Variants in RBM25 observed in about 807,000 individuals in gnomAD.
RBM25 encodes the protein RNA binding motif protein 25, also known as RNA-binding protein 25.
In RBM25, 19 loss-of-function variants were observed where a neutral mutation model predicts 120.7. That is an observed-to-expected ratio of 0.16 (90% CI 0.11 to 0.23). The LOEUF (loss-of-function observed/expected upper bound fraction) is 0.23, where lower values mean the gene tolerates loss of function less well. Ranked by LOEUF, RBM25 falls within the 10% of genes least tolerant of loss-of-function variation. The pLI is 1.00. For missense variants in RBM25, 605 were observed against 1,041.5 expected (o/e 0.58, Z 5.77); for synonymous variants, 390 against 326.7 (o/e 1.19, Z -2.09).
chr14:73,119,637 T>G, intron 18 of RBM25, 76 bp from the exon 19 acceptor site: 2 of 1,582,050 alleles, frequency 1.3e-6, no homozygotes, highest in Non-Finnish European at 1.7e-6. Context: ...AAAAACTTTT[T>G]TATACTGGCC....
At chr14:73,114,427 G>C (rs1025722896) in intron 18 of RBM25, 94 bp downstream of exon 18, 11 of 856,922 alleles carry the variant, frequency 1.3e-5, no homozygotes, top group Non-Finnish European at 1.9e-5. Context: ...TCACCACGTT[G>C]CCCAGGGTAG....
chr14:73,111,279 T>C (rs1896305696), intron 15 of RBM25, 124 bp downstream of exon 15: 2 of 943,300 alleles, frequency 2.1e-6, no homozygotes, highest in Non-Finnish European at 1.5e-6. Flanking sequence ...TACTAAAAAA[T>C]GCCTTTCTAG....
intron 12 of RBM25, among the ~76,000 whole-genome samples, chr14:73,106,583 A>T (rs1474980000): frequency 6.6e-6 from 1 of 152,124 alleles, no homozygotes. Context: ...GCATATTTTT[A>T]AAATTGTTGA....
chr14:73,084,498 A>G (rs1895638006), intron 5 of RBM25, among the ~76,000 whole-genome samples: 1 of 152,082 alleles, frequency 6.6e-6, no homozygotes, highest in African/African-American at 2.4e-5. Context: ...GTTTTCTGTA[A>G]AGTGGTCAGT....
chr14:73,086,435 TAAA>T (rs60061334), intron 5 of RBM25, among the ~76,000 whole-genome samples: 2 of 132,972 alleles, frequency 1.5e-5, no homozygotes, highest in East Asian at 4.3e-4. Flanking sequence ...AGACTCCGTC[TAAA>T]AAAAAAAAAA....
Position 73,088,082 on chromosome 14 carries a change from A to T in RBM25, c.464A>T (p.Lys155Ile). 1 of 1,614,178 alleles carries T rather than the reference A, an allele frequency of 6.2e-7. No homozygotes were observed. The highest frequency in any genetic ancestry group is 8.5e-7 in the Non-Finnish European group (1 of 1,180,040). The change falls in exon 6 of 19, where the codon AAA (lysine) becomes ATA (isoleucine). Residue 155 changes from lysine (K) to isoleucine (I), a missense_variant. This residue lies in a region of RBM25 where 27 missense variants were observed against 109.4 expected (regional missense o/e 0.25). Transcript: ENST00000261973. ...RLLHDLQIGE[K>I]KLLVKVDAKT... Reference sequence around the variant, plus strand: ...TTACATGACCTGCAAATTGGAGAGAAAAAGCTACTCGTTAAAGTTGATGCA... The same window carrying T: ...TTACATGACCTGCAAATTGGAGAGATAAAGCTACTCGTTAAAGTTGATGCA...
At chr14:73,075,877 C>T (rs1389256469) in intron 2 of RBM25, among the ~76,000 whole-genome samples, 2 of 151,284 alleles carry the variant, frequency 1.3e-5, no homozygotes, top group Non-Finnish European at 2.9e-5. Context: ...ATCTCCTGGG[C>T]TCAATCTGTC....
chr14:73,079,298 C>T (rs1248168394), intron 4 of RBM25, among the ~76,000 whole-genome samples: 1 of 150,570 alleles, frequency 6.6e-6, no homozygotes, highest in Non-Finnish European at 1.5e-5. Context: ...TTGTCGGTGC[C>T]TGCAATCCCA....
At chr14:73,058,872 C>G (rs929258138) in intron 1 of RBM25, 167 bp downstream of exon 1, 1 of 152,240 alleles carries the variant, frequency 6.6e-6, no homozygotes, top group Non-Finnish European at 1.5e-5. Context: ...GGTTTCTTCT[C>G]TTCTCTAAGG....
At chr14:73,090,082 G>A (rs889430377) in intron 6 of RBM25, among the ~76,000 whole-genome samples, 2 of 147,526 alleles carry the variant, frequency 1.4e-5, no homozygotes, top group Non-Finnish European at 3.0e-5. Flanking sequence ...ATGCAGTCTC[G>A]CTTTGTTGCC....
At chr14:73,103,948 T>TCTCTCACACACACACACA (rs1594928335) in intron 10 of RBM25, among the ~76,000 whole-genome samples, 5 of 91,346 alleles carry the variant, frequency 5.5e-5, no homozygotes, top group Non-Finnish European at 7.3e-5. Flanking sequence ...TCTCTCTCTC[T>TCTCTCACACACACACACA]CACACACACA....
At chr14:73,111,269 T>A (rs1896305569) in intron 15 of RBM25, 114 bp downstream of exon 15, 1 of 979,358 alleles carries the variant, frequency 1.0e-6, no homozygotes, top group African/African-American at 1.6e-5. Context: ...GATAGAAGAT[T>A]ACTAAAAAAT....
At chr14:73,106,654 A>T (rs191464132) in intron 12 of RBM25, among the ~76,000 whole-genome samples, 1 of 152,174 alleles carries the variant, frequency 6.6e-6, no homozygotes, top group Admixed American at 6.5e-5. Context: ...GATTCATTTT[A>T]TCTCATGGAT....
chr14:73,062,381 G>A (rs550372577), intron 1 of RBM25, among the ~76,000 whole-genome samples: 1 of 151,416 alleles, frequency 6.6e-6, no homozygotes, highest in South Asian at 2.1e-4. Context: ...GAATGAGTGA[G>A]TTGTATGTGA....
At chr14:73,119,290 T>A (rs1460936999) in intron 18 of RBM25, among the ~76,000 whole-genome samples, 1 of 152,126 alleles carries the variant, frequency 6.6e-6, no homozygotes, top group Non-Finnish European at 1.5e-5. Flanking sequence ...TTTTCTTTTT[T>A]GAGATGGAGT....
chr14:73,090,669 T>C (rs572428471), intron 6 of RBM25, among the ~76,000 whole-genome samples: 8 of 152,316 alleles, frequency 5.3e-5, no homozygotes, highest in African/African-American at 1.7e-4. Flanking sequence ...ATCTCTCTCT[T>C]TCACAGCCCC....
chr14:73,112,262 A>G lies in RBM25; in HGVS notation c.2391+12A>G, dbSNP rs773633353. ...TTGTTTGTTCTAAGGTTAGTCTTCT[A>G]TTCTCTTCCATGCCAGCATTTATTT... On this transcript the variant is annotated intron_variant, in intron 17 of 18. Coordinates refer to ENST00000261973, the MANE Select transcript of RBM25 (RefSeq NM_021239.3). 1.3e-5 allele frequency: 20 copies of G among 1,558,482 alleles called. No homozygotes were observed. Among genetic ancestry groups the G allele is most frequent in the East Asian group, 7.0e-5 (3 of 42,874 alleles).
At chr14:73,062,916 G>T (rs1566578949) in intron 1 of RBM25, among the ~76,000 whole-genome samples, 1 of 150,604 alleles carries the variant, frequency 6.6e-6, no homozygotes, top group Non-Finnish European at 1.5e-5. Context: ...CACCTCCCGG[G>T]CTCAAGCGAT....
chr14:73,094,810 GGT>G (rs60336075), intron 6 of RBM25, among the ~76,000 whole-genome samples: 45,851 of 144,920 alleles, frequency 0.32, 7,138 homozygotes, highest in African/African-American at 0.36. Context: ...ACAGGAGCGA[GGT>G]GTGTGTGTGT....
Sources: allele counts gnomAD v4.1 joint callset (sites outside exome capture counted in the v4.1 genomes callset), GRCh38; gene constraint gnomAD v4.1.1; regional missense constraint gnomAD v4.1.1; transcripts MANE v1.5; gene names NCBI Gene and HGNC (gene_info 2026-07-23, HGNC 2026-07-21).